Variants in ATP8A1 observed in about 807,000 individuals in gnomAD.
ATP8A1 encodes ATPase phospholipid transporting 8A1, also known as phospholipid-transporting ATPase IA.
In ATP8A1, 90 loss-of-function variants were observed where a neutral mutation model predicts 177.7. The ratio of observed to expected loss-of-function variants is 0.51; its 90% confidence interval spans 0.43 to 0.60. The LOEUF is 0.60. Among genes scored for constraint, ATP8A1 ranks in the 20% least tolerant of loss-of-function variants. The probability of loss-of-function intolerance (pLI) is 0.00; values close to 1 mark genes in which losing one functional copy is unlikely to be tolerated. For missense variants in ATP8A1, 1,072 were observed against 1,392.8 expected, an observed-to-expected ratio of 0.77 and a Z score of 3.67; for synonymous variants, 493 against 485.9, an observed-to-expected ratio of 1.01 and a Z score of -0.19.
At chr4:42,599,804 C>T (rs1735067548) in intron 6 of ATP8A1, among the ~76,000 whole-genome samples, 1 of 152,152 alleles carries the variant, frequency 6.6e-6, no homozygotes, top group South Asian at 2.1e-4. Flanking sequence ...TCCAAAAAGT[C>T]TTTTACCAAG....
In ATP8A1 at chr4:42,538,588, T is replaced by C. The variant is rs563574936; in HGVS notation, c.1722+5329A>G. The stretch of plus-strand genomic sequence containing the variant: ...GAAAATAAACAATCCCATCAAAAAG[T>C]GGGCTAAGGACATGAACAGACAATC... On this transcript the variant is annotated intron_variant, in intron 20 of 36. Transcript: ENST00000381668. Among the ~76,000 whole-genome samples the C allele has an allele frequency of 3.3e-5, 5 of 152,022 alleles. No individual in the cohort carries two copies. In the East Asian group the frequency reaches 7.7e-4, roughly 23 times the overall value.
At chr4:42,567,511 C>T (rs1213484832) in intron 15 of ATP8A1, among the ~76,000 whole-genome samples, 1 of 152,144 alleles carries the variant, frequency 6.6e-6, no homozygotes, top group Non-Finnish European at 1.5e-5. Context: ...TGCATTCCAG[C>T]CTGGGTGATA....
chr4:42,569,727 C>G (rs1026225862), intron 14 of ATP8A1, among the ~76,000 whole-genome samples: 2 of 152,106 alleles, frequency 1.3e-5, no homozygotes, highest in South Asian at 2.1e-4. Flanking sequence ...TTAAATGGAA[C>G]CTTAGTTTAA....
chr4:42,411,937 T>C lies in ATP8A1; in HGVS notation c.*979A>G, dbSNP rs1236711395. ...AAAGCCCATGCATTTATCTGACATG[T>C]TATTCCAAATATTGCAACAGAAGCT... On this transcript the variant is annotated 3_prime_UTR_variant, in exon 37 of 37. Coordinates refer to ENST00000381668, the MANE Select transcript of ATP8A1 (RefSeq NM_006095.2). 4 of 152,222 alleles carry C rather than the reference T, an allele frequency of 2.6e-5. No individual in the cohort carries two copies. Among genetic ancestry groups the C allele is most frequent in the Admixed American group, 6.5e-5 (1 of 15,280 alleles). The allele number at this position is 152,222 out of a possible 1,614,324, so 9.4% of individuals were successfully genotyped here. A position where few individuals can be genotyped will look rare whatever the true frequency, so the allele number is the denominator to read the frequency against.
intron 5 of ATP8A1, among the ~76,000 whole-genome samples, chr4:42,615,245 G>T (rs768526225): frequency 4.6e-5 from 7 of 152,048 alleles, no homozygotes; most frequent in Non-Finnish European, 1.0e-4. Context: ...GCCTATTGTG[G>T]GAGGTGGTGA....
At chr4:42,551,056 A>C in intron 18 of ATP8A1, 142 bp downstream of exon 18, 1 of 650,504 alleles carries the variant, frequency 1.5e-6, no homozygotes, top group East Asian at 2.5e-5. Flanking sequence ...ATGCCTAAAG[A>C]AATAGCTAAA....
chr4:42,495,128 G>A (rs1222446015), intron 24 of ATP8A1, among the ~76,000 whole-genome samples: 2 of 152,144 alleles, frequency 1.3e-5, no homozygotes, highest in East Asian at 1.9e-4. Flanking sequence ...CATTTAAGAC[G>A]TGAGGTATTT....
At chr4:42,596,816 T>C (rs534775472) in intron 6 of ATP8A1, among the ~76,000 whole-genome samples, 9 of 152,272 alleles carry the variant, frequency 5.9e-5, no homozygotes, top group African/African-American at 2.2e-4. Context: ...GATTCCAAGA[T>C]TCTTTGGCTA....
At chr4:42,447,348 A>C (rs573414356) in intron 30 of ATP8A1, among the ~76,000 whole-genome samples, 1 of 151,764 alleles carries the variant, frequency 6.6e-6, no homozygotes, top group African/African-American at 2.4e-5. Context: ...ATGCCCAGCT[A>C]ATTTTGTTAT....
chr4:42,545,731 T>C (rs1321962342), intron 19 of ATP8A1, among the ~76,000 whole-genome samples: 1 of 152,148 alleles, frequency 6.6e-6, no homozygotes, highest in African/African-American at 2.4e-5. Context: ...CCCAGCACTT[T>C]GGGAGGCTGA....
intron 34 of ATP8A1, 139 bp downstream of exon 34, chr4:42,423,478 C>G (rs142532672): frequency 1.0e-5 from 5 of 482,350 alleles, no homozygotes; most frequent in Non-Finnish European, 1.8e-5. Context: ...CTGAATCACC[C>G]CTTCCTTATT....
chr4:42,604,176 T>C (rs1271093746), intron 5 of ATP8A1, among the ~76,000 whole-genome samples: 1 of 152,164 alleles, frequency 6.6e-6, no homozygotes, highest in Non-Finnish European at 1.5e-5. Flanking sequence ...ACCTTGTAGA[T>C]CTCAGCTTTA....
chr4:42,593,932 C>T (rs1020779831), intron 6 of ATP8A1, among the ~76,000 whole-genome samples: 17 of 151,828 alleles, frequency 1.1e-4, no homozygotes, highest in South Asian at 1.0e-3. Context: ...GGATTTATGA[C>T]GAACAAGGAC....
chr4:42,592,537 C>T (rs1031621953), intron 6 of ATP8A1, among the ~76,000 whole-genome samples: 1 of 152,114 alleles, frequency 6.6e-6, no homozygotes, highest in Non-Finnish European at 1.5e-5. Context: ...ATAATTATGT[C>T]TCTAAGAGTT....
chr4:42,511,517 A>G (rs1725003110), intron 22 of ATP8A1, among the ~76,000 whole-genome samples: 2 of 152,216 alleles, frequency 1.3e-5, no homozygotes, highest in South Asian at 2.1e-4. Context: ...ACTCTTTGAC[A>G]TAATATAGAT....
intron 4 of ATP8A1, among the ~76,000 whole-genome samples, chr4:42,618,484 C>G (rs1423862593): frequency 6.6e-6 from 1 of 152,216 alleles, no homozygotes; most frequent in Non-Finnish European, 1.5e-5. Context: ...AACCAGGGAC[C>G]TTAATCTCCA....
chr4:42,537,554 T>C (rs1727976608), intron 20 of ATP8A1, among the ~76,000 whole-genome samples: 1 of 152,084 alleles, frequency 6.6e-6, no homozygotes. Context: ...AACTGGTAAA[T>C]GAATTCAGCA....
chr4:42,619,066 T>TC (rs1290971738), intron 4 of ATP8A1, among the ~76,000 whole-genome samples: 2 of 152,068 alleles, frequency 1.3e-5, no homozygotes, highest in African/African-American at 4.8e-5. Context: ...TGTTTTTTTT[T>TC]TGAGATGGAG....
rs954402800 is a variant in ATP8A1 at position 42,574,557 on chromosome 4, T to C, written c.1295+62A>G. 2.9e-6 allele frequency: 4 copies of C among 1,361,838 alleles called. No individual in the cohort carries two copies. The Admixed American group carries it at 8.0e-5, about 27-fold the overall frequency. 84.4% of individuals were successfully genotyped at this position (1,361,838 alleles called of 1,614,324 possible). Reference sequence around the variant, plus strand: ...CTCCCCTAATAAGAACTCCCAAATGTACCAAACTGTTAGCACTAATTAAGC... The same window carrying C: ...CTCCCCTAATAAGAACTCCCAAATGCACCAAACTGTTAGCACTAATTAAGC... On this transcript the variant is annotated intron_variant, in intron 14 of 36. Transcript: ENST00000381668.
Sources: gnomAD v4.1 joint callset for allele counts (sites outside exome capture counted in the v4.1 genomes callset) on GRCh38, gnomAD v4.1.1 for gene constraint, MANE v1.5 for transcripts, NCBI Gene and HGNC (gene_info 2026-07-23, HGNC 2026-07-21) for gene names.